Variants in WDR48 observed in about 807,000 individuals in gnomAD.
WDR48 encodes WD repeat-containing protein 48.
A neutral mutation model predicts 94.0 loss-of-function variants in WDR48; 22 were observed. The ratio of observed to expected loss-of-function variants is 0.23; its 90% confidence interval spans 0.17 to 0.33. The LOEUF is 0.33. WDR48 is among the 10% of genes least tolerant of loss of function. WDR48 has a pLI of 1.00. For synonymous variants in WDR48, 278 were observed against 280.5 expected (o/e 0.99, Z 0.09); for missense variants, 541 against 813.8 (o/e 0.66, Z 4.08).
At chr3:39,057,989 A>G (rs1202311303) in intron 1 of WDR48, among the ~76,000 whole-genome samples, 1 of 152,204 alleles carries the variant, frequency 6.6e-6, no homozygotes, top group African/African-American at 2.4e-5. Context: ...ATATTTTGAA[A>G]CATTTTTATA....
At chr3:39,090,073 C>T (rs1446999679) in intron 16 of WDR48, 4 of 152,206 alleles carry the variant, frequency 2.6e-5, no homozygotes, top group Non-Finnish European at 4.4e-5. Context: ...AAATTGCCCT[C>T]CACAAAGGCT....
chr3:39,076,745 A>G (rs956857192), intron 8 of WDR48, among the ~76,000 whole-genome samples: 4 of 152,208 alleles, frequency 2.6e-5, no homozygotes, highest in Non-Finnish European at 4.4e-5. Flanking sequence ...TGTTGTTAGG[A>G]TGTTTTTTAC....
rs769477830 is a variant in WDR48 at position 39,069,651 on chromosome 3, G to C, written c.579G>C (p.Arg193=). The change falls in exon 7 of 19, where the codon CGG becomes CGC. Residue 193 remains arginine (R), a synonymous_variant. Coordinates refer to ENST00000302313, the MANE Select transcript of WDR48 (RefSeq NM_020839.4). The part of the protein sequence containing the change: ...IVSGSTEKVL[R]VWDPRTCAKL... ...TCTATTAAAATTCACAGGTGTTACG[G>C]GTATGGGATCCAAGAACATGTGCAA... 26 of 1,612,034 alleles carry C rather than the reference G, an allele frequency of 1.6e-5. No homozygotes were observed. The highest frequency in any genetic ancestry group is 3.3e-5 in the Admixed American group (2 of 59,818).
rs77011373 is a variant in WDR48 at position 39,083,076 on chromosome 3, A to G, written c.1174-1079A>G. 7.9e-5 allele frequency among the ~76,000 whole-genome samples: 12 copies of G among 152,284 alleles called. No homozygotes were observed. The East Asian group carries it at 2.3e-3, about 29-fold the overall frequency. ...AAGAAGCTTGCGGTTAGTGGCATTA[A>G]CCTGCTGTGAGTTGATTTAAGATGT... On this transcript the variant is annotated intron_variant, in intron 11 of 18. Coordinates refer to ENST00000302313, the MANE Select transcript of WDR48 (RefSeq NM_020839.4).
chr3:39,065,219 A>G (rs112390666), intron 2 of WDR48, among the ~76,000 whole-genome samples: 82 of 152,350 alleles, frequency 5.4e-4, no homozygotes, highest in South Asian at 2.7e-3. Flanking sequence ...TGAAATGGTG[A>G]CACAGGTTGT....
At chr3:39,080,494 C>G (rs546081136) in intron 11 of WDR48, among the ~76,000 whole-genome samples, 1 of 152,340 alleles carries the variant, frequency 6.6e-6, no homozygotes, top group South Asian at 2.1e-4. Context: ...TTATCATTCT[C>G]ACAAGTCTCT....
Position 39,066,854 on chromosome 3 carries a change from G to A in WDR48, c.460G>A (p.Ala154Thr). 1 of 1,613,624 alleles carries A rather than the reference G, an allele frequency of 6.2e-7. No homozygotes were observed. The highest frequency in any genetic ancestry group is 8.5e-7 in the Non-Finnish European group (1 of 1,179,818). ...TGTGAATACTCTAACAGCATTGACT[G>A]CCTCAAATAACACTGTCACAAGTAA... ...WDVNTLTALT[A>T]SNNTVTTSSL... Residue 154 changes from alanine (A) to threonine (T), a missense_variant, in exon 5 of 19, where the codon GCC becomes ACC. Physicochemically the swap from Ala to Thr is moderately conservative, Grantham distance 58. This residue lies in a region of WDR48 where 104 missense variants were observed against 189.7 expected (regional missense o/e 0.55). Transcript: ENST00000302313.
rs1177130512 is a variant in WDR48 at position 39,065,830 on chromosome 3, C to T, written c.209C>T (p.Ser70Phe). Residue 70 changes from serine to phenylalanine, a missense_variant, in exon 3 of 19, where the codon TCT (serine) becomes TTT (phenylalanine). By Grantham distance (155) the Ser-to-Phe change is radical. Around this residue, in one of 5 missense-constraint regions of WDR48, gnomAD observed 90 missense variants for 122.3 expected, o/e 0.74. Transcript: ENST00000302313. The stretch of plus-strand genomic sequence containing the variant: ...TTTCAGCAAGATCCATATATAGCAT[C>T]TATGGAACACCATACTGATTGGGTA... ...NQHKQDPYIA[S>F]MEHHTDWVND... is the part of the protein sequence containing the mutation. The T allele has an allele frequency of 6.2e-7, 1 of 1,605,570 alleles. No individual in the cohort carries two copies. The highest frequency in any genetic ancestry group is 1.3e-5 in the African/African-American group (1 of 74,294).
intron 7 of WDR48, among the ~76,000 whole-genome samples, chr3:39,074,204 C>T (rs998121928): frequency 2.2e-4 from 33 of 152,304 alleles, no homozygotes; most frequent in Admixed American, 1.8e-3. Context: ...TAGGGCTTGT[C>T]TACAGGATTG....
chr3:39,068,512 CA>C (rs1452674309), intron 5 of WDR48, among the ~76,000 whole-genome samples: 1 of 152,122 alleles, frequency 6.6e-6, no homozygotes, highest in African/African-American at 2.4e-5. Flanking sequence ...TAGCTTTAAA[CA>C]TATCATTTAA....
intron 16 of WDR48, 58 bp from the exon 17 acceptor site, chr3:39,091,564 CATT>C: frequency 8.1e-7 from 1 of 1,237,178 alleles, no homozygotes; most frequent in Non-Finnish European, 1.1e-6. Flanking sequence ...TTCCTATTAA[CATT>C]ATTTTCATTT....
chr3:39,061,120 T>C (rs2033232563), intron 1 of WDR48, among the ~76,000 whole-genome samples: 1 of 152,222 alleles, frequency 6.6e-6, no homozygotes, highest in African/African-American at 2.4e-5. Flanking sequence ...ATTATTATAC[T>C]TCAAGTTCTA....
At chr3:39,074,582 G>T in intron 7 of WDR48, 144 bp from the exon 8 acceptor site, 1 of 803,002 alleles carries the variant, frequency 1.2e-6, no homozygotes, top group Non-Finnish European at 2.0e-6. Flanking sequence ...TGTGGTGCAT[G>T]GTTGTCAAGC....
At chr3:39,084,363 A>G in intron 12 of WDR48, 101 bp downstream of exon 12, 7 of 735,440 alleles carry the variant, frequency 9.5e-6, no homozygotes, top group Non-Finnish European at 1.4e-5. Context: ...TTTAGGTGTG[A>G]AAAAAAAAAT....
At chr3:39,053,554 A>G (rs539986997) in intron 1 of WDR48, among the ~76,000 whole-genome samples, 1 of 152,346 alleles carries the variant, frequency 6.6e-6, no homozygotes, top group African/African-American at 2.4e-5. Context: ...GGACTGAAAT[A>G]TAACTCAAAA....
At chr3:39,070,017 A>T (rs1046072400) in intron 7 of WDR48, among the ~76,000 whole-genome samples, 9 of 152,212 alleles carry the variant, frequency 5.9e-5, no homozygotes, top group African/African-American at 2.2e-4. Context: ...AACTAAAAAC[A>T]TTACCTGTGT....
intron 1 of WDR48, among the ~76,000 whole-genome samples, chr3:39,055,164 A>G (rs1245401165): frequency 6.6e-6 from 1 of 152,204 alleles, no homozygotes. Flanking sequence ...AGGCCAAGAC[A>G]AACCCTTGAG....
chr3:39,058,242 C>T (rs1466612172), intron 1 of WDR48, among the ~76,000 whole-genome samples: 1 of 152,176 alleles, frequency 6.6e-6, no homozygotes, highest in Admixed American at 6.5e-5. Flanking sequence ...AGATTACAGG[C>T]ATGAGCCACC....
At chr3:39,084,820 T>C (rs2034723636) in intron 13 of WDR48, 79 bp downstream of exon 13, 4 of 1,257,598 alleles carry the variant, frequency 3.2e-6, no homozygotes, top group Admixed American at 2.2e-5. Flanking sequence ...TAAGTACTTA[T>C]CTTTGTAAAA....
Sources: allele counts gnomAD v4.1 joint callset (sites outside exome capture counted in the v4.1 genomes callset), GRCh38; gene constraint gnomAD v4.1.1; regional missense constraint gnomAD v4.1.1; transcripts MANE v1.5; gene names NCBI Gene and HGNC (gene_info 2026-07-23, HGNC 2026-07-21).